The following RBM38 variants were observed in gnomAD, a reference collection of about 807,000 sequenced individuals.
RBM38 encodes RNA-binding protein 38.
RBM38 carries 11 observed loss-of-function variants against 23.5 expected under a neutral mutation model. The ratio of observed to expected loss-of-function variants is 0.47; its 90% CI spans 0.29 to 0.77. RBM38 has a LOEUF of 0.77. Among genes scored for constraint, RBM38 ranks in the 30% least tolerant of loss-of-function variants. The pLI is 0.08. For missense variants in RBM38, 330 were observed against 351.9 expected (o/e 0.94, Z 0.50); for synonymous variants, 165 against 166.1 (o/e 0.99, Z 0.05).
At chr20:57,392,992 G>T (rs746027144) in intron 2 of RBM38, 92 of 717,946 alleles carry the variant, frequency 1.3e-4, no homozygotes, top group Non-Finnish European at 1.9e-4. Flanking sequence ...GGCAGGGAGG[G>T]TACTGCACCC....
In RBM38 at chr20:57,407,532, T is replaced by C; in HGVS notation, c.417-11T>C. The C allele has an allele frequency of 6.2e-7, 1 of 1,611,832 alleles. No homozygotes were observed. The highest frequency in any genetic ancestry group is 8.5e-7 in the Non-Finnish European group (1 of 1,178,644). On this transcript the variant is annotated splice_polypyrimidine_tract_variant and intron_variant, in intron 3 of 3. Coordinates refer to ENST00000356208, the MANE Select transcript of RBM38 (RefSeq NM_017495.6). This position sits in a 1 kb window ranked among gnomAD's most constrained non-coding sequence, Gnocchi z 4.0. Reference sequence around the variant, plus strand: ...CGTTCTGGCCCTAACCTGCTCTGCTTGGCCCCACAGGCTGACCCCGCACTA... The same window carrying C: ...CGTTCTGGCCCTAACCTGCTCTGCTCGGCCCCACAGGCTGACCCCGCACTA...
chr20:57,404,426 G>T (rs952647852), intron 3 of RBM38, among the ~76,000 whole-genome samples: 28 of 151,642 alleles, frequency 1.8e-4, no homozygotes, highest in African/African-American at 6.3e-4. Flanking sequence ...AGCTTCCATA[G>T]CCTCCTACTA....
At chr20:57,404,667 G>T (rs906516008) in intron 3 of RBM38, among the ~76,000 whole-genome samples, 4 of 152,246 alleles carry the variant, frequency 2.6e-5, no homozygotes, top group African/African-American at 9.6e-5. Flanking sequence ...AGCACCATGT[G>T]CCCAGTGCCT....
intron 3 of RBM38, among the ~76,000 whole-genome samples, chr20:57,403,604 G>C (rs2067351769): frequency 6.6e-6 from 1 of 152,140 alleles, no homozygotes; most frequent in African/African-American, 2.4e-5. Flanking sequence ...TGGGAGATGG[G>C]CTAACACTAG....
intron 3 of RBM38, chr20:57,399,968 G>A (rs1249229131): frequency 2.2e-6 from 1 of 456,308 alleles, no homozygotes; most frequent in African/African-American, 2.0e-5. Context: ...CCTGGGCCGT[G>A]GTCAGTTCTT....
At chr20:57,405,058 G>A (rs753740090) in intron 3 of RBM38, among the ~76,000 whole-genome samples, 2 of 152,318 alleles carry the variant, frequency 1.3e-5, no homozygotes, top group Middle Eastern at 3.4e-3. Context: ...CCCTTGTGCC[G>A]CCATGCTGCT....
intron 3 of RBM38, among the ~76,000 whole-genome samples, chr20:57,397,366 C>T (rs1279555501): frequency 6.6e-6 from 1 of 152,244 alleles, no homozygotes; most frequent in Non-Finnish European, 1.5e-5. Flanking sequence ...TCTTGTCCCT[C>T]CCACAAGGAC....
rs752678714 is a variant in RBM38 at position 57,392,736 on chromosome 20, A to G, written c.320A>G (p.Asn107Ser). 2.5e-6 allele frequency: 4 copies of G among 1,613,012 alleles called. No individual in the cohort carries two copies. In the Admixed American group the frequency reaches 5.0e-5, roughly 20 times the overall value. ...ATCGACGGCCGCAAGGCCAACGTGA[A>G]CCTGGCATATCTGGGCGCCAAGCCG... Reference protein sequence around the residue: ...PIIDGRKANVNLAYLGAKPRS... With the variant: ...PIIDGRKANVSLAYLGAKPRS... Residue 107 changes from asparagine to serine, a missense_variant, in exon 2 of 4, where the codon AAC becomes AGC. Physicochemically the swap from Asn to Ser is conservative, Grantham distance 46. This residue lies in a region of RBM38 where 227 missense variants were observed against 216.4 expected (regional missense o/e 1.05). Transcript: ENST00000356208.
At chr20:57,406,039 C>T (rs2067380073) in intron 3 of RBM38, among the ~76,000 whole-genome samples, 1 of 152,218 alleles carries the variant, frequency 6.6e-6, no homozygotes, top group Non-Finnish European at 1.5e-5. Flanking sequence ...TTCCAAGTCA[C>T]CCCCCAGGCG....
rs1440970132 is a variant in RBM38, at chr20:57,408,411, G to A, written c.*565G>A. The A allele has an allele frequency of 6.5e-6, 1 of 154,600 alleles. No homozygotes were observed. The highest frequency in any genetic ancestry group is 1.4e-5 in the Non-Finnish European group (1 of 69,456). The allele number at this position is 154,600 out of a possible 1,614,324, so 9.6% of individuals were successfully genotyped here. ...GTGGGCGGCTTCCTCAAGCCCGGAG[G>A]AGCTCCCAGGCGCACAGGGGCCGCC... On this transcript the variant is annotated 3_prime_UTR_variant, in exon 4 of 4. Coordinates refer to ENST00000356208, the MANE Select transcript of RBM38 (RefSeq NM_017495.6).
intron 3 of RBM38, among the ~76,000 whole-genome samples, chr20:57,398,816 G>A (rs2067300475): frequency 1.3e-5 from 2 of 152,232 alleles, no homozygotes; most frequent in South Asian, 4.1e-4. Context: ...CAGACTGAGT[G>A]GAGGCCCAAG....
intron 3 of RBM38, among the ~76,000 whole-genome samples, chr20:57,396,830 C>T (rs77365850): frequency 8.5e-5 from 13 of 152,176 alleles, no homozygotes; most frequent in Non-Finnish European, 1.9e-4. Context: ...ATGACTGCCA[C>T]GGCTCCAGAC....
intron 3 of RBM38, among the ~76,000 whole-genome samples, chr20:57,396,985 C>CG (rs1469383281): frequency 6.6e-6 from 1 of 152,234 alleles, no homozygotes; most frequent in Non-Finnish European, 1.5e-5. Context: ...TGACAGGACA[C>CG]GGCCACCACA....
intron 3 of RBM38, among the ~76,000 whole-genome samples, chr20:57,401,477 G>A (rs935183879): frequency 6.6e-6 from 1 of 152,218 alleles, no homozygotes; most frequent in Non-Finnish European, 1.5e-5. Context: ...GGGAAGCAGA[G>A]GCCATTCCAC....
chr20:57,392,558 GA>G, intron 1 of RBM38, 95 bp from the exon 2 acceptor site: 1 of 1,517,922 alleles, frequency 6.6e-7, no homozygotes, highest in Non-Finnish European at 8.9e-7. Context: ...GAAGGGAAGA[GA>G]GGGGTGGCAG....
intron 3 of RBM38, among the ~76,000 whole-genome samples, chr20:57,399,592 G>A (rs1600751572): frequency 6.6e-6 from 1 of 152,226 alleles, no homozygotes; most frequent in South Asian, 2.1e-4. Context: ...GTCAGGAGTT[G>A]GAGTTTGGGC....
intron 3 of RBM38, among the ~76,000 whole-genome samples, chr20:57,398,278 G>T (rs71329741): frequency 2.0e-4 from 31 of 151,708 alleles, no homozygotes; most frequent in African/African-American, 7.5e-4. Flanking sequence ...GTGTGTGTAC[G>T]CACGCACACG....
intron 3 of RBM38, among the ~76,000 whole-genome samples, chr20:57,406,926 G>C (rs1252475248): frequency 6.6e-6 from 1 of 151,786 alleles, no homozygotes; most frequent in Non-Finnish European, 1.5e-5. Flanking sequence ...CCCGGGTGGC[G>C]GAGCTTGCAG....
chr20:57,399,598 T>C (rs1419636483), intron 3 of RBM38, among the ~76,000 whole-genome samples: 3 of 152,214 alleles, frequency 2.0e-5, no homozygotes, highest in African/African-American at 7.2e-5. Flanking sequence ...AGTTGGAGTT[T>C]GGGCCGGTTC....
Sources: allele counts gnomAD v4.1 joint callset (sites outside exome capture counted in the v4.1 genomes callset), GRCh38; gene constraint gnomAD v4.1.1; regional missense constraint gnomAD v4.1.1; non-coding constraint Gnocchi (gnomAD v3.1); transcripts MANE v1.5; gene names NCBI Gene and HGNC (gene_info 2026-07-23, HGNC 2026-07-21).